RAB3IL1: variants seen among roughly 807,000 people sequenced by gnomAD.
RAB3IL1 encodes RAB3A interacting protein like 1.
Under a neutral mutation model 49.2 loss-of-function variants are expected in RAB3IL1, and 37 were observed. That is an observed-to-expected ratio of 0.75 (90% CI 0.58 to 0.99). RAB3IL1 has a LOEUF of 0.99. Ranked by LOEUF, RAB3IL1 falls within the 50% of genes least tolerant of loss-of-function variation. RAB3IL1 has a pLI of 0.00. For missense variants in RAB3IL1, 484 were observed against 513.0 expected (o/e 0.94, Z 0.55); for synonymous variants, 193 against 213.9 (o/e 0.90, Z 0.85).
At chr11:61,914,947 AC>A (rs1363909460) in intron 1 of RAB3IL1, among the ~76,000 whole-genome samples, 1 of 152,048 alleles carries the variant, frequency 6.6e-6, no homozygotes, top group Non-Finnish European at 1.5e-5. Flanking sequence ...TGAACAGGAC[AC>A]CTCCCAACTG....
At chr11:61,915,021 CCT>C (rs1226190401) in intron 1 of RAB3IL1, among the ~76,000 whole-genome samples, 3 of 152,096 alleles carry the variant, frequency 2.0e-5, no homozygotes, top group East Asian at 3.8e-4. Context: ...CAGCTTGGCC[CCT>C]GACTCTAAAT....
the RAB3IL1 span, among the ~76,000 whole-genome samples, chr11:61,937,479 G>T: frequency 1.2e-4 from 18 of 151,764 alleles, no homozygotes; most frequent in African/African-American, 3.9e-4. Context: ...CTAATTTGGT[G>T]GGGGGGTGGC....
At chr11:61,904,445 T>C in intron 7 of RAB3IL1, 101 bp downstream of exon 7, 1 of 1,162,642 alleles carries the variant, frequency 8.6e-7, no homozygotes, top group Non-Finnish European at 1.3e-6. Context: ...GTCCCTGTCC[T>C]GTCGGCGCTG....
chr11:61,942,978 T>G, the RAB3IL1 span, among the ~76,000 whole-genome samples: 1 of 152,202 alleles, frequency 6.6e-6, no homozygotes, highest in African/African-American at 2.4e-5. Context: ...AAATTCCAAC[T>G]GCGTTTTTTG....
chr11:61,937,402 A>G, the RAB3IL1 span, among the ~76,000 whole-genome samples: 1 of 151,968 alleles, frequency 6.6e-6, no homozygotes, highest in Non-Finnish European at 1.5e-5. Flanking sequence ...GAACTCCTGG[A>G]CTCAAGTGAT....
chr11:61,899,191 C>G, intron 9 of RAB3IL1, 123 bp downstream of exon 9: 2 of 1,127,508 alleles, frequency 1.8e-6, no homozygotes, highest in South Asian at 2.9e-5. Context: ...CACAACCCTC[C>G]CCGCTCCCCA....
upstream of RAB3IL1, among the ~76,000 whole-genome samples, chr11:61,918,564 A>G (rs1312466562): frequency 6.6e-6 from 1 of 152,248 alleles, no homozygotes; most frequent in Non-Finnish European, 1.5e-5. Context: ...GGGGCATGCA[A>G]GGGGCTGGGG....
Position 61,908,053 on chromosome 11 carries a change from C to A in RAB3IL1, c.264+1G>T, listed in dbSNP as rs777054786. ...CCCCCCAGCCTACTGCAGGCACCCA[C>A]CTTCTGCGCTCTGTGCAGCTCCTCC... On this transcript the variant is annotated splice_donor_variant, in intron 2 of 9. Transcript: ENST00000394836. LOFTEE classifies it high-confidence loss of function. 1 of 1,606,420 alleles carries A rather than the reference C, an allele frequency of 6.2e-7. No homozygotes were observed. Among genetic ancestry groups the A allele is most frequent in the South Asian group, 1.1e-5 (1 of 90,794 alleles).
chr11:61,929,754 T>A, the RAB3IL1 span, among the ~76,000 whole-genome samples: 1 of 148,380 alleles, frequency 6.7e-6, no homozygotes, highest in African/African-American at 2.5e-5. Flanking sequence ...CCCAGCTAAT[T>A]TTTTGTATTT....
chr11:61,908,329 G>A (rs990494546), intron 1 of RAB3IL1, 23 bp from the exon 2 acceptor site: 2 of 1,449,704 alleles, frequency 1.4e-6, no homozygotes, highest in Middle Eastern at 2.5e-4. Context: ...AAGGGTATCA[G>A]CAGGTTCAGG....
intron 8 of RAB3IL1, 164 bp from the exon 9 acceptor site, chr11:61,899,544 T>C: frequency 3.3e-6 from 2 of 614,116 alleles, no homozygotes. Flanking sequence ...AACAACAGCA[T>C]GACTAGCCCT....
the RAB3IL1 span, chr11:61,945,738 G>A: frequency 1.0e-6 from 1 of 983,068 alleles, no homozygotes; most frequent in Non-Finnish European, 1.2e-6. Flanking sequence ...GAGGGGTGGG[G>A]GTGGGTGGAA....
chr11:61,907,628 C>T lies in RAB3IL1; in HGVS notation c.297G>A (p.Arg99=). Residue 99 remains arginine, a synonymous_variant, in exon 3 of 10, where the codon CGG becomes CGA. Transcript: ENST00000394836. ...CTAGCTGCTCCCGCACCTTGGACAG[C>T]CGCTCACATTCCTCGTCCTTTAGCT... ...ELKLKDEECE[R]LSKVREQLEQ... is the part of the protein sequence containing the mutation. 2 of 1,614,114 alleles carry T rather than the reference C, an allele frequency of 1.2e-6. No individual in the cohort carries two copies. The highest frequency in any genetic ancestry group is 1.7e-6 in the Non-Finnish European group (2 of 1,180,020).
In RAB3IL1 at chr11:61,908,130, C is replaced by T. The variant is rs368996184; in HGVS notation, c.188G>A (p.Arg63His). The change falls in exon 2 of 10, where the codon CGC (arginine) becomes CAC (histidine). Residue 63 changes from arginine (R) to histidine (H), a missense_variant. By Grantham distance (29) the Arg-to-His change is conservative (BLOSUM62 0). Transcript: ENST00000394836. ...GATCTCCATGGAAGAGCTGCGCAGGCGCAACACGTCCAGCTGGGCGGCTGC... is the reference window on the plus strand; with the variant it reads ...GATCTCCATGGAAGAGCTGCGCAGGTGCAACACGTCCAGCTGGGCGGCTGC... ...GPAAAQLDVL[R>H]LRSSSMEIRE... is the part of the protein sequence containing the mutation. 1.0e-5 allele frequency: 16 copies of T among 1,602,670 alleles called. No individual in the cohort carries two copies. In the East Asian group the frequency reaches 1.8e-4, roughly 18 times the overall value.
At chr11:61,913,376 T>G (rs1939544269) in intron 1 of RAB3IL1, among the ~76,000 whole-genome samples, 3 of 151,370 alleles carry the variant, frequency 2.0e-5, no homozygotes, top group South Asian at 2.1e-4. Flanking sequence ...GGAGCCAGAG[T>G]AGGGAGAAGG....
intron 9 of RAB3IL1, 66 bp downstream of exon 9, chr11:61,899,248 G>GGGCA (rs1938773098): frequency 2.0e-6 from 3 of 1,519,142 alleles, no homozygotes; most frequent in Admixed American, 1.8e-5. Flanking sequence ...TGGGCCCAGA[G>GGGCA]GGCACTTCCC....
chr11:61,933,827 C>T, the RAB3IL1 span, among the ~76,000 whole-genome samples: 2 of 152,024 alleles, frequency 1.3e-5, no homozygotes, highest in African/African-American at 4.8e-5. Flanking sequence ...TGCCTGCAGT[C>T]CTAGCTACTA....
chr11:61,898,333 C>G lies in RAB3IL1; in HGVS notation c.1094G>C (p.Arg365Thr). 6.2e-7 allele frequency: 1 copy of G among 1,613,628 alleles called. No individual in the cohort carries two copies. The highest frequency in any genetic ancestry group is 8.5e-7 in the Non-Finnish European group (1 of 1,180,000). ...DAEPMFWEIM[R>T]LRKEMSLAKL... Reference sequence around the variant, plus strand: ...GGCCAGTGACATCTCCTTCCGCAACCTCATGATCTCCCAGAACATGGGCTC... The same window carrying G: ...GGCCAGTGACATCTCCTTCCGCAACGTCATGATCTCCCAGAACATGGGCTC... Residue 365 changes from arginine to threonine, a missense_variant, in exon 10 of 10, where the codon AGG (arginine) becomes ACG (threonine). By Grantham distance (71) the Arg-to-Thr change is moderately conservative (BLOSUM62 -1). Coordinates refer to ENST00000394836, the MANE Select transcript of RAB3IL1 (RefSeq NM_013401.4). This position sits in a 1 kb window ranked among gnomAD's most constrained non-coding sequence, Gnocchi z 5.1.
chr11:61,899,672 G>A (rs1370062740), intron 8 of RAB3IL1: 7 of 381,940 alleles, frequency 1.8e-5, no homozygotes, highest in East Asian at 4.7e-5. Flanking sequence ...GGGGAAAGCC[G>A]CTGACATCCA....
Sources: allele counts gnomAD v4.1 joint callset (sites outside exome capture counted in the v4.1 genomes callset), GRCh38; gene constraint gnomAD v4.1.1; non-coding constraint Gnocchi (gnomAD v3.1); transcripts MANE v1.5; gene names NCBI Gene and HGNC (gene_info 2026-07-23, HGNC 2026-07-21).